Variants in CARNS1 observed in about 807,000 individuals in gnomAD.
CARNS1 encodes carnosine synthase 1, also known as ATP-grasp domain containing 1.
CARNS1 carries 61 observed loss-of-function variants against 74.0 expected under a neutral mutation model. The observed-to-expected ratio is 0.82, with a 90% CI of 0.67 to 1.02. The LOEUF is 1.02. Ranked by LOEUF, CARNS1 falls within the 50% of genes least tolerant of loss-of-function variation. The pLI, the probability that CARNS1 is intolerant of heterozygous loss-of-function variation, is 0.00. For missense variants in CARNS1, 1,278 were observed against 1,308.4 expected (o/e 0.98, Z 0.36); for synonymous variants, 568 against 605.5 (o/e 0.94, Z 0.91).
Position 67,423,428 on chromosome 11 carries a change from C to G in CARNS1, c.1680C>G (p.Thr560=), listed in dbSNP as rs755494402. The change falls in exon 10 of 10, where the codon ACC becomes ACG. Residue 560 remains threonine (T), a synonymous_variant. Coordinates refer to ENST00000687366, the MANE Select transcript of CARNS1 (RefSeq NM_001166222.2). The surrounding 1 kb of genome is among the most constrained non-coding windows in gnomAD (Gnocchi z 5.1). ...PNHFASQLVQ[T]FIHFDMTEHR... is the part of the protein sequence containing the mutation. Reference sequence around the variant, plus strand: ...ACTTTGCATCCCAGTTGGTACAGACCTTCATCCACTTTGACATGACAGAGC... The same window carrying G: ...ACTTTGCATCCCAGTTGGTACAGACGTTCATCCACTTTGACATGACAGAGC... The G allele has an allele frequency of 8.7e-6, 14 of 1,613,716 alleles. No homozygotes were observed. The African/African-American group carries it at 1.7e-4, about 20-fold the overall frequency.
At chr11:67,422,525 C>G (rs568252735) in intron 9 of CARNS1, among the ~76,000 whole-genome samples, 39 of 152,210 alleles carry the variant, frequency 2.6e-4, no homozygotes, top group Non-Finnish European at 1.3e-4. Context: ...CGGGATCTCG[C>G]TCTGTTGCCC....
At chr11:67,421,928 G>A (rs1167377884) in intron 9 of CARNS1, among the ~76,000 whole-genome samples, 2 of 150,802 alleles carry the variant, frequency 1.3e-5, no homozygotes, top group Non-Finnish European at 3.0e-5. Context: ...TTGCTCTGTC[G>A]CCCAGGCTGG....
intron 2 of CARNS1, chr11:67,416,829 A>C (rs957694341): frequency 1.0e-6 from 1 of 986,390 alleles, no homozygotes; most frequent in Non-Finnish European, 1.2e-6. Context: ...AAATATCTGC[A>C]GGGGGGATAC....
chr11:67,423,661 A>G lies in CARNS1; in HGVS notation c.1913A>G (p.His638Arg), dbSNP rs771117547. The G allele has an allele frequency of 3.1e-6, 5 of 1,604,502 alleles. No homozygotes were observed. The highest frequency in any genetic ancestry group is 1.1e-5 in the South Asian group (1 of 89,988). Reference protein sequence around the residue: ...SLTQLHLLHHHGPPWPAPSLH... With the variant: ...SLTQLHLLHHRGPPWPAPSLH... ...ACCCAGCTGCACCTGTTGCACCACC[A>G]TGGCCCACCCTGGCCTGCGCCCTCC... The change falls in exon 10 of 10, where the codon CAT (histidine) becomes CGT (arginine). Residue 638 changes from histidine to arginine, a missense_variant. By Grantham distance (29) the His-to-Arg change is conservative. Around this residue, in one of 3 missense-constraint regions of CARNS1, gnomAD observed 1,164 missense variants for 1,156.5 expected, o/e 1.01. Transcript: ENST00000687366. This position sits in a 1 kb window ranked among gnomAD's most constrained non-coding sequence, Gnocchi z 5.1.
chr11:67,422,171 C>CTTTTTTTT lies in CARNS1; in HGVS notation c.1626+975_1626+982dup, dbSNP rs35293042. 9.6e-5 allele frequency among the ~76,000 whole-genome samples: 7 copies of CTTTTTTTT among 72,798 alleles called. 3 individuals carry two copies. Among genetic ancestry groups the CTTTTTTTT allele is most frequent in the African/African-American group, 6.0e-4 (7 of 11,588 alleles). 47.8% of individuals were successfully genotyped at this position (72,798 alleles called of 152,430 possible). Reference sequence around the variant, plus strand: ...ACAGGCGTGAGCCACCGCGCCCGGCCTTTTTTTTTTTTTTTTTTTTTTTTT... The same window carrying CTTTTTTTT: ...ACAGGCGTGAGCCACCGCGCCCGGCCTTTTTTTTTTTTTTTTTTTTTTTTTTTTTTTTT... On this transcript the variant is annotated intron_variant, in intron 9 of 9. Coordinates refer to ENST00000687366, the MANE Select transcript of CARNS1 (RefSeq NM_001166222.2).
In CARNS1 at chr11:67,424,622, GA is replaced by G. The variant is rs760776109; in HGVS notation, c.*23del. On this transcript the variant is annotated 3_prime_UTR_variant, in exon 10 of 10. Transcript: ENST00000687366. ...AATAGCACTGGGGTCAGGGGGCAGG[GA>G]AGCAGTGCTGGGTGGAGGCACTGTG... The G allele has an allele frequency of 1.3e-6, 2 of 1,587,784 alleles. No individual in the cohort carries two copies. The highest frequency in any genetic ancestry group is 1.7e-6 in the Non-Finnish European group (2 of 1,167,176).
Position 67,420,991 on chromosome 11 carries a change from G to A in CARNS1, c.1398G>A (p.Leu466=). Residue 466 remains leucine, a synonymous_variant, in exon 9 of 10, where the codon CTG becomes CTA. Transcript: ENST00000687366. ...GCGGCGTGCTGACCCCAGTGGCCCT[G>A]GAGCTGAACGGCGGCCTGTGTCTGG... ...AAGGVLTPVA[L]ELNGGLCLEA... The A allele has an allele frequency of 1.4e-6, 2 of 1,424,548 alleles. No individual in the cohort carries two copies. Among genetic ancestry groups the A allele is most frequent in the Non-Finnish European group, 9.2e-7 (1 of 1,092,106 alleles). The allele number at this position is 1,424,548 out of a possible 1,614,324, so 88.2% of individuals were successfully genotyped here.
chr11:67,416,526 A>C, intron 2 of CARNS1: 2 of 1,181,474 alleles, frequency 1.7e-6, no homozygotes, highest in Non-Finnish European at 2.1e-6. Flanking sequence ...ACAGCACACC[A>C]TCTCCCAACA....
At position 67,421,036 on chromosome 11, in the gene CARNS1, G is replaced by A. The variant is rs1357642374; in HGVS notation, c.1443G>A (p.Glu481=). ...GLCLEACGAL[E]GLWAAPRLGP... is the part of the protein sequence containing the mutation. ...GTCTGGAGGCGTGCGGCGCGCTGGA[G>A]GGGCTGTGGGCCGCGCCGCGGCTGG... The change falls in exon 9 of 10, where the codon GAG becomes GAA. Residue 481 remains glutamate, a synonymous_variant. Coordinates refer to ENST00000687366, the MANE Select transcript of CARNS1 (RefSeq NM_001166222.2). 8.1e-6 allele frequency: 11 copies of A among 1,358,080 alleles called. No individual in the cohort carries two copies. The highest frequency in any genetic ancestry group is 3.1e-5 in the African/African-American group (2 of 65,040). The allele number at this position is 1,358,080 out of a possible 1,614,324, so 84.1% of individuals were successfully genotyped here. A position where few individuals can be genotyped will look rare whatever the true frequency, so the allele number is the denominator to read the frequency against.
Position 67,421,124 on chromosome 11 carries a change from C to T in CARNS1, c.1531C>T (p.Arg511Cys). The change falls in exon 9 of 10, where the codon CGC becomes TGC. Residue 511 changes from arginine to cysteine, a missense_variant. This residue lies in a region of CARNS1 where 1,164 missense variants were observed against 1,156.5 expected (regional missense o/e 1.01). Transcript: ENST00000687366. ...GGAGACCATGCTTCGGCGGTCGGCG[C>T]GCTGCCTCATGGAGGGAAAACAGCT... is the stretch of plus-strand genomic sequence containing the variant. ...LVETMLRRSA[R>C]CLMEGKQLLV... 2 of 1,468,552 alleles carry T rather than the reference C, an allele frequency of 1.4e-6. No homozygotes were observed. Among genetic ancestry groups the T allele is most frequent in the East Asian group, 3.0e-5 (1 of 33,304 alleles). 91.0% of individuals were successfully genotyped at this position (1,468,552 alleles called of 1,614,324 possible).
Position 67,424,424 on chromosome 11 carries a change from C to T in CARNS1, c.2676C>T (p.Arg892=), listed in dbSNP as rs773551482. Residue 892 remains arginine (R), a synonymous_variant, in exon 10 of 10, where the codon CGC becomes CGT. Transcript: ENST00000687366. ...CCCTGCACGACCGTGGACTGCTACG[C>T]CTCAATCTGCTGGAGGAGGCCCTGG... The part of the protein sequence containing the change: ...LQALHDRGLL[R]LNLLEEALVP... 5.7e-6 allele frequency: 9 copies of T among 1,588,564 alleles called. No homozygotes were observed. In the South Asian group the frequency reaches 1.0e-4, roughly 18 times the overall value.
chr11:67,422,452 G>A (rs1003834372), intron 9 of CARNS1, among the ~76,000 whole-genome samples: 1 of 152,020 alleles, frequency 6.6e-6, no homozygotes, highest in African/African-American at 2.4e-5. Flanking sequence ...CAAAGAACTG[G>A]GATTACAGGC....
chr11:67,418,338 C>G, intron 3 of CARNS1, 93 bp from the exon 4 acceptor site: 1 of 898,464 alleles, frequency 1.1e-6, no homozygotes, highest in Non-Finnish European at 1.6e-6. Context: ...TCTGGGGGCT[C>G]AGGGTGGGGC....
chr11:67,418,701 C>T (rs577311660), intron 4 of CARNS1, 55 bp from the exon 5 acceptor site: 97 of 1,492,840 alleles, frequency 6.5e-5, no homozygotes, highest in Admixed American at 1.3e-4. Context: ...CCCGGGGGCC[C>T]GGGCATAGGG....
chr11:67,420,733 AGC>A lies in CARNS1; in HGVS notation c.1242_1243del (p.Val415GlnfsTer150). ...GAGGCGCAGGTGGCGGCTGTGCGGCAGCGCGTCAAGGCGGCGGCCGAGGCCGC... is the reference window on the plus strand; with the variant it reads ...GAGGCGCAGGTGGCGGCTGTGCGGCAGCGTCAAGGCGGCGGCCGAGGCCGC... On this transcript the variant is annotated frameshift_variant, in exon 8 of 10. Transcript: ENST00000687366. LOFTEE classifies it high-confidence loss of function. 5.6e-6 allele frequency: 7 copies of A among 1,258,084 alleles called. No individual in the cohort carries two copies. Among genetic ancestry groups the A allele is most frequent in the Non-Finnish European group, 7.0e-6 (7 of 1,005,324 alleles). The allele number at this position is 1,258,084 out of a possible 1,614,324, so 77.9% of individuals were successfully genotyped here. A position where few individuals can be genotyped will look rare whatever the true frequency, so the allele number is the denominator to read the frequency against.
chr11:67,418,892 C>G lies in CARNS1; in HGVS notation c.501C>G (p.Val167=), dbSNP rs771808400. The G allele has an allele frequency of 1.9e-6, 3 of 1,597,064 alleles. No individual in the cohort carries two copies. The highest frequency in any genetic ancestry group is 2.6e-6 in the Non-Finnish European group (3 of 1,171,786). ...GCCTGACATTCCTGGATGACTTTGT[C>G]CCCCCGCGCCGTGCCACCTACTTTT... The part of the protein sequence containing the change: ...PGGLTFLDDF[V]PPRRATYFLA... Residue 167 remains valine, a synonymous_variant, in exon 5 of 10, where the codon GTC becomes GTG. Transcript: ENST00000687366.
chr11:67,416,834 G>A, intron 2 of CARNS1: 2 of 986,574 alleles, frequency 2.0e-6, no homozygotes, highest in East Asian at 1.1e-4. Context: ...TCTGCAGGGG[G>A]GATACTGTCT....
intron 7 of CARNS1, 26 bp from the exon 8 acceptor site, chr11:67,420,583 C>A: frequency 8.2e-7 from 1 of 1,222,220 alleles, no homozygotes; most frequent in Non-Finnish European, 1.0e-6. Context: ...GTGTGTGGGC[C>A]TCCCCCTGAG....
In CARNS1 at chr11:67,423,868, G is replaced by C; in HGVS notation, c.2120G>C (p.Gly707Ala). 13 of 1,613,268 alleles carry C rather than the reference G, an allele frequency of 8.1e-6. No individual in the cohort carries two copies. Among genetic ancestry groups the C allele is most frequent in the Non-Finnish European group, 1.1e-5 (13 of 1,179,890 alleles). Residue 707 changes from glycine (G) to alanine (A), a missense_variant, in exon 10 of 10, where the codon GGC becomes GCC. Gly to Ala is a moderately conservative substitution (Grantham distance 60, BLOSUM62 0). Coordinates refer to ENST00000687366, the MANE Select transcript of CARNS1 (RefSeq NM_001166222.2). This position sits in a 1 kb window ranked among gnomAD's most constrained non-coding sequence, Gnocchi z 5.1. The part of the protein sequence containing the change: ...HFSRITRDLQ[G>A]EADHPGIGLG... ...TCCCGGATTACCCGAGACTTGCAGG[G>C]CGAGGCCGACCACCCAGGCATTGGG... is the stretch of plus-strand genomic sequence containing the variant.
Sources: gnomAD v4.1 joint callset for allele counts (sites outside exome capture counted in the v4.1 genomes callset) on GRCh38, gnomAD v4.1.1 for gene constraint, gnomAD v4.1.1 regional missense constraint, Gnocchi (gnomAD v3.1) non-coding constraint, MANE v1.5 for transcripts, NCBI Gene and HGNC (gene_info 2026-07-23, HGNC 2026-07-21) for gene names.